FAM220A: variants seen among roughly 807,000 people sequenced by gnomAD.
FAM220A encodes family with sequence similarity 220 member A.
For missense variants in FAM220A, 392 were observed against 321.6 expected, an observed-to-expected ratio of 1.22 and a Z score of -1.68; for synonymous variants, 141 against 130.7, an observed-to-expected ratio of 1.08 and a Z score of -0.54.
rs1296084656 is a variant in FAM220A at position 6,348,800 on chromosome 7, C to T, written c.-309G>A. ...CCACAGCCCCCCCGCCCGCCCTCTCCGCGCCGCGTCGCCCCGGCAGCTGAC... is the reference window on the plus strand; with the variant it reads ...CCACAGCCCCCCCGCCCGCCCTCTCTGCGCCGCGTCGCCCCGGCAGCTGAC... On this transcript the variant is annotated 5_prime_UTR_variant, in exon 1 of 2. Transcript: ENST00000313324. The T allele has an allele frequency of 1.3e-5, 5 of 396,420 alleles. No individual in the cohort carries two copies. Among genetic ancestry groups the T allele is most frequent in the Middle Eastern group, 1.3e-3 (2 of 1,578 alleles). 24.6% of individuals were successfully genotyped at this position (396,420 alleles called of 1,614,324 possible). A position where few individuals can be genotyped will look rare whatever the true frequency, so the allele number is the denominator to read the frequency against.
At position 6,330,244 on chromosome 7, in the gene FAM220A, A is replaced by T; in HGVS notation, c.*131T>A. ...TTTGAATTTAAACTCAATTTACTTTAAGTCTGCCAGGTCGTACAAAACTAC... is the reference window on the plus strand; with the variant it reads ...TTTGAATTTAAACTCAATTTACTTTTAGTCTGCCAGGTCGTACAAAACTAC... On this transcript the variant is annotated 3_prime_UTR_variant, in exon 2 of 2. Transcript: ENST00000313324. 1 of 883,360 alleles carries T rather than the reference A, an allele frequency of 1.1e-6. No homozygotes were observed. The highest frequency in any genetic ancestry group is 1.7e-6 in the Non-Finnish European group (1 of 583,476). 54.7% of individuals were successfully genotyped at this position (883,360 alleles called of 1,614,324 possible).
At chr7:6,337,401 C>T (rs770536154) in intron 1 of FAM220A, among the ~76,000 whole-genome samples, 1 of 152,072 alleles carries the variant, frequency 6.6e-6, no homozygotes, top group Admixed American at 6.6e-5. Flanking sequence ...GGATTACAGG[C>T]GTGAGCCACT....
chr7:6,348,924 T>G lies in FAM220A; in HGVS notation c.-433A>C, dbSNP rs1027764861. ...AGTCCGCACGTCACGCTCGGAGAAG[T>G]GCCTCCGCGAGCAGCCGCCTGTACC... On this transcript the variant is annotated 5_prime_UTR_variant, in exon 1 of 2. Transcript: ENST00000313324. 1 of 383,518 alleles carries G rather than the reference T, an allele frequency of 2.6e-6. No homozygotes were observed. The highest frequency in any genetic ancestry group is 3.8e-5 in the East Asian group (1 of 26,594). 23.8% of individuals were successfully genotyped at this position (383,518 alleles called of 1,614,324 possible).
At chr7:6,333,228 A>G (rs917567090) in intron 1 of FAM220A, among the ~76,000 whole-genome samples, 2 of 152,000 alleles carry the variant, frequency 1.3e-5, no homozygotes, top group Non-Finnish European at 2.9e-5. Flanking sequence ...TGCAGTTATT[A>G]TTAGAGGCTG....
Position 6,330,398 on chromosome 7 carries a change from C to G in FAM220A, c.757G>C (p.Ala253Pro). The change falls in exon 2 of 2, where the codon GCA becomes CCA. Residue 253 changes from alanine to proline, a missense_variant. Physicochemically the swap from Ala to Pro is conservative, Grantham distance 27. Coordinates refer to ENST00000313324, the MANE Select transcript of FAM220A (RefSeq NM_001037163.2). ...CCTTAACTATGGCATAATGTATTTG[C>G]TAATTCAAAAGGTTGCAGAGCCAGT... ...GLLALQPFEL[A>P]NTLCHS The G allele has an allele frequency of 6.2e-7, 1 of 1,613,160 alleles. No homozygotes were observed. The highest frequency in any genetic ancestry group is 8.5e-7 in the Non-Finnish European group (1 of 1,179,756).
intron 1 of FAM220A, among the ~76,000 whole-genome samples, chr7:6,333,209 A>G (rs1393204991): frequency 6.6e-6 from 1 of 151,964 alleles, no homozygotes; most frequent in Non-Finnish European, 1.5e-5. Flanking sequence ...CTGGGGAGAA[A>G]ATGAAGGATG....
chr7:6,337,794 ATTAT>A (rs142856746), intron 1 of FAM220A, among the ~76,000 whole-genome samples: 30 of 150,558 alleles, frequency 2.0e-4, no homozygotes, highest in Admixed American at 3.3e-4. Flanking sequence ...ATTTCAATAC[ATTAT>A]TTATTTATTT....
chr7:6,330,809 G>C lies in FAM220A; in HGVS notation c.346C>G (p.Arg116Gly), dbSNP rs1285068144. ...GCTTCAACACCACTGCAGGACACCC[G>C]AGCAAAACACTCTGTTGGAGCAGGG... ...LFPAPTECFA[R>G]VSCSGVEALG... The change falls in exon 2 of 2, where the codon CGG becomes GGG. Residue 116 changes from arginine (R) to glycine (G), a missense_variant. By Grantham distance (125) the Arg-to-Gly change is moderately radical (BLOSUM62 -2). Transcript: ENST00000313324. 2.5e-6 allele frequency: 4 copies of C among 1,614,138 alleles called. No individual in the cohort carries two copies. Among genetic ancestry groups the C allele is most frequent in the East Asian group, 2.2e-5 (1 of 44,874 alleles).
chr7:6,330,076 CAG>C lies in FAM220A; in HGVS notation c.*297_*298del. On this transcript the variant is annotated 3_prime_UTR_variant, in exon 2 of 2. Transcript: ENST00000313324. ...AGCCCTTTAGAATGGATGTTGAAGACAGAACTTCATGGTAAATCCGTATGTTC... is the reference window on the plus strand; with the variant it reads ...AGCCCTTTAGAATGGATGTTGAAGACAACTTCATGGTAAATCCGTATGTTC... 2.9e-6 allele frequency: 1 copy of C among 347,536 alleles called. No homozygotes were observed. The highest frequency in any genetic ancestry group is 3.8e-5 in the South Asian group (1 of 26,190). The allele number at this position is 347,536 out of a possible 1,614,324, so 21.5% of individuals were successfully genotyped here.
chr7:6,331,270 A>C, intron 1 of FAM220A, 35 bp from the exon 2 acceptor site: 6 of 1,034,816 alleles, frequency 5.8e-6, no homozygotes, highest in Non-Finnish European at 8.3e-6. Flanking sequence ...TTCTAAAATG[A>C]AGACACATGG....
chr7:6,333,910 C>G lies in FAM220A; in HGVS notation c.-81-2675G>C, dbSNP rs6972410. Among the ~76,000 whole-genome samples the G allele has an allele frequency of 5.5e-5, 8 of 144,632 alleles. No homozygotes were observed. The East Asian group carries it at 6.4e-4, about 12-fold the overall frequency. The allele number at this position is 144,632 out of a possible 152,430, so 94.9% of individuals were successfully genotyped here. On this transcript the variant is annotated intron_variant, in intron 1 of 1. Coordinates refer to ENST00000313324, the MANE Select transcript of FAM220A (RefSeq NM_001037163.2). ...TGCCCAGGCTGGAGTGCAGTGGCGC[C>G]ATCTCAGCTCACTAAAAGCTCCACC...
chr7:6,339,155 C>T lies in FAM220A; in HGVS notation c.-81-7920G>A, dbSNP rs746167084. On this transcript the variant is annotated intron_variant, in intron 1 of 1. Transcript: ENST00000313324. ...CTAACATCACTGAGTTCCTGCTACTCGCCACTTGGCACGTCTAAATCACAC... is the reference window on the plus strand; with the variant it reads ...CTAACATCACTGAGTTCCTGCTACTTGCCACTTGGCACGTCTAAATCACAC... 4.9e-4 allele frequency among the ~76,000 whole-genome samples: 75 copies of T among 152,300 alleles called. 1 individual carries two copies. The highest frequency in any genetic ancestry group is 1.8e-3 in the African/African-American group (73 of 41,574).
At position 6,330,163 on chromosome 7, in the gene FAM220A, G is replaced by A. The variant is rs184355437; in HGVS notation, c.*212C>T. On this transcript the variant is annotated 3_prime_UTR_variant, in exon 2 of 2. Coordinates refer to ENST00000313324, the MANE Select transcript of FAM220A (RefSeq NM_001037163.2). ...TGAAATGTTTCCCAATTCTTTATAT[G>A]TCTTTTAAAGCACAATTTAACACAT... is the stretch of plus-strand genomic sequence containing the variant. The A allele has an allele frequency of 1.4e-5, 8 of 573,694 alleles. No homozygotes were observed. The East Asian group carries it at 2.2e-4, about 15-fold the overall frequency. The allele number at this position is 573,694 out of a possible 1,614,324, so 35.5% of individuals were successfully genotyped here. A position where few individuals can be genotyped will look rare whatever the true frequency, so the allele number is the denominator to read the frequency against.
chr7:6,336,440 G>C (rs375401933), intron 1 of FAM220A, among the ~76,000 whole-genome samples: 25 of 152,170 alleles, frequency 1.6e-4, no homozygotes, highest in African/African-American at 5.8e-4. Context: ...CAACACTTTG[G>C]GAGGCCATGG....
chr7:6,333,164 A>G lies in FAM220A; in HGVS notation c.-81-1929T>C, dbSNP rs866504125. ...GAGCAAGACTCCATCCCAAATAAAA[A>G]AATCAAAAAAAAAAAAACAAAAAAC... On this transcript the variant is annotated intron_variant, in intron 1 of 1. Transcript: ENST00000313324. Among the ~76,000 whole-genome samples, 3 of 112,190 alleles carry G rather than the reference A, an allele frequency of 2.7e-5. No individual in the cohort carries two copies. The Admixed American group carries it at 3.2e-4, about 12-fold the overall frequency. The allele number at this position is 112,190 out of a possible 152,430, so 73.6% of individuals were successfully genotyped here. A position where few individuals can be genotyped will look rare whatever the true frequency, so the allele number is the denominator to read the frequency against.
At chr7:6,333,888 C>T (rs1387921857) in intron 1 of FAM220A, among the ~76,000 whole-genome samples, 6 of 142,502 alleles carry the variant, frequency 4.2e-5, no homozygotes, top group East Asian at 2.1e-4. Context: ...CTTTTTTTGC[C>T]CAGGCTGGAG....
At chr7:6,344,858 C>G (rs1781927479) in intron 1 of FAM220A, among the ~76,000 whole-genome samples, 1 of 151,948 alleles carries the variant, frequency 6.6e-6, no homozygotes. Flanking sequence ...TCTCCTGCCT[C>G]AGCCTCCCAA....
intron 1 of FAM220A, among the ~76,000 whole-genome samples, chr7:6,345,628 A>G (rs960992784): frequency 1.3e-5 from 2 of 152,156 alleles, no homozygotes; most frequent in Admixed American, 1.3e-4. Flanking sequence ...TCTTATAGCC[A>G]TTCTTGTGAT....
Position 6,348,613 on chromosome 7 carries a change from A to T in FAM220A, c.-122T>A. ...GAGCATCATGGAAGCCACGATGTAG[A>T]GGTAGGGGAAGTTGATACGCAGCCG... On this transcript the variant is annotated 5_prime_UTR_variant, in exon 1 of 2. Coordinates refer to ENST00000313324, the MANE Select transcript of FAM220A (RefSeq NM_001037163.2). 2.1e-6 allele frequency: 1 copy of T among 483,664 alleles called. No individual in the cohort carries two copies. The highest frequency in any genetic ancestry group is 3.7e-6 in the Non-Finnish European group (1 of 269,456). 30.0% of individuals were successfully genotyped at this position (483,664 alleles called of 1,614,324 possible).
Sources: gnomAD v4.1 joint callset for allele counts (sites outside exome capture counted in the v4.1 genomes callset) on GRCh38, gnomAD v4.1.1 for gene constraint, MANE v1.5 for transcripts, NCBI Gene and HGNC (gene_info 2026-07-23, HGNC 2026-07-21) for gene names.